The following IKZF1 variants were observed in gnomAD, a reference collection of about 807,000 sequenced individuals.
IKZF1 encodes DNA-binding protein Ikaros.
IKZF1 carries 10 observed loss-of-function variants against 51.7 expected under a neutral mutation model. The observed-to-expected ratio is 0.19, with a 90% CI of 0.12 to 0.33. The LOEUF (loss-of-function observed/expected upper bound fraction) is 0.33, where lower values mean the gene tolerates loss of function less well. IKZF1 is among the 10% of genes least tolerant of loss of function. The pLI is 1.00. For missense variants in IKZF1, 484 were observed against 707.5 expected (o/e 0.68, Z 3.58); for synonymous variants, 280 against 282.3 (o/e 0.99, Z 0.08).
upstream of IKZF1, among the ~76,000 whole-genome samples, chr7:50,303,875 G>T (rs886071920): frequency 2.7e-5 from 4 of 147,256 alleles, no homozygotes; most frequent in African/African-American, 9.8e-5. The surrounding 1 kb of genome is among the most constrained non-coding windows in gnomAD (Gnocchi z 4.7). Flanking sequence ...TGTCGCCCGC[G>T]CCGCGCCCCC....
At chr7:50,371,841 T>C (rs1808776594) in intron 3 of IKZF1, among the ~76,000 whole-genome samples, 1 of 152,238 alleles carries the variant, frequency 6.6e-6, no homozygotes, top group Non-Finnish European at 1.5e-5. Context: ...GTACAGAAGA[T>C]TCCAGATTTC....
At position 50,400,307 on chromosome 7, in the gene IKZF1, C is replaced by T. The variant is rs1817821102; in HGVS notation, c.1240C>T (p.Leu414=). The T allele has an allele frequency of 2.5e-6, 4 of 1,613,090 alleles. No homozygotes were observed. Among genetic ancestry groups the T allele is most frequent in the Non-Finnish European group, 3.4e-6 (4 of 1,179,718 alleles). Residue 414 remains leucine (L), a synonymous_variant, in exon 8 of 8, where the codon CTG becomes TTG. Coordinates refer to ENST00000331340, the MANE Select transcript of IKZF1 (RefSeq NM_006060.6). The surrounding 1 kb of genome is among the most constrained non-coding windows in gnomAD (Gnocchi z 5.4). ...GGAGCAGCGCAGCGGTCTCATCTAC[C>T]TGACCAACCACATCGCCCCGCACGC... The part of the protein sequence containing the change: ...NEEQRSGLIY[L]TNHIAPHARN...
At chr7:50,374,386 A>G (rs1809614018) in intron 3 of IKZF1, among the ~76,000 whole-genome samples, 1 of 152,184 alleles carries the variant, frequency 6.6e-6, no homozygotes, top group Non-Finnish European at 1.5e-5. Context: ...ATACCAAGAG[A>G]TGACTGTAAG....
rs1339318516 is a variant in IKZF1 at position 50,401,372 on chromosome 7, C to A, written c.*745C>A. ...AGGCTGCTCAGATGGCCTGAGCCTCCCGAGGCTTGCTGCCCCGTAGGAGGA... is the reference window on the plus strand; with the variant it reads ...AGGCTGCTCAGATGGCCTGAGCCTCACGAGGCTTGCTGCCCCGTAGGAGGA... On this transcript the variant is annotated 3_prime_UTR_variant, in exon 8 of 8. Coordinates refer to ENST00000331340, the MANE Select transcript of IKZF1 (RefSeq NM_006060.6). The A allele has an allele frequency of 8.8e-6, 2 of 228,460 alleles. No homozygotes were observed. Among genetic ancestry groups the A allele is most frequent in the Non-Finnish European group, 1.7e-5 (2 of 115,018 alleles). 14.2% of individuals were successfully genotyped at this position (228,460 alleles called of 1,614,324 possible). A position where few individuals can be genotyped will look rare whatever the true frequency, so the allele number is the denominator to read the frequency against.
intron 2 of IKZF1, among the ~76,000 whole-genome samples, chr7:50,320,280 T>A (rs1792839284): frequency 6.6e-6 from 1 of 152,196 alleles, no homozygotes; most frequent in African/African-American, 2.4e-5. Flanking sequence ...TATTTTCACT[T>A]AATTTTTAAT....
chr7:50,327,509 C>A, intron 2 of IKZF1, 129 bp from the exon 3 acceptor site: 1 of 1,093,508 alleles, frequency 9.1e-7, no homozygotes, highest in Non-Finnish European at 1.3e-6. Flanking sequence ...GTATATGCAT[C>A]CCAGCAGAGA....
chr7:50,303,844 C>T (rs2153302209), upstream of IKZF1, among the ~76,000 whole-genome samples: 1 of 149,318 alleles, frequency 6.7e-6, no homozygotes, highest in South Asian at 2.1e-4. This position sits in a 1 kb window ranked among gnomAD's most constrained non-coding sequence, Gnocchi z 4.7. Flanking sequence ...CGTCCCCCTC[C>T]CCCTCCTGGC....
At chr7:50,308,292 G>A (rs950454738) in intron 1 of IKZF1, among the ~76,000 whole-genome samples, 4 of 152,192 alleles carry the variant, frequency 2.6e-5, no homozygotes, top group Admixed American at 6.5e-5. Context: ...AGCAACTGAG[G>A]CCTAATCTAC....
intron 3 of IKZF1, among the ~76,000 whole-genome samples, chr7:50,341,101 T>G (rs1798955101): frequency 6.6e-6 from 1 of 152,258 alleles, no homozygotes; most frequent in African/African-American, 2.4e-5. Flanking sequence ...TAAAATCTGC[T>G]TGCCCTGTGC....
At chr7:50,358,296 T>A (rs892299983) in intron 3 of IKZF1, among the ~76,000 whole-genome samples, 5 of 152,230 alleles carry the variant, frequency 3.3e-5, no homozygotes, top group African/African-American at 1.2e-4. Flanking sequence ...ACAGCTGATA[T>A]CTACTAGGAA....
At chr7:50,361,173 C>G (rs544969762) in intron 3 of IKZF1, among the ~76,000 whole-genome samples, 2 of 152,252 alleles carry the variant, frequency 1.3e-5, no homozygotes, top group East Asian at 3.9e-4. Context: ...CCTGAATGTC[C>G]CTTTCCCTTC....
At position 50,326,809 on chromosome 7, in the gene IKZF1, A is replaced by G. The variant is rs1795140813; in HGVS notation, c.41-829A>G. Among the ~76,000 whole-genome samples the G allele has an allele frequency of 2.0e-5, 3 of 152,212 alleles. No homozygotes were observed. In the South Asian group the frequency reaches 6.2e-4, roughly 31 times the overall value. On this transcript the variant is annotated intron_variant, in intron 2 of 7. Transcript: ENST00000331340. ...GCGGAGAGGGGATCATTTTCCCAGT[A>G]GGCATGGGGTTCCCTTCCATTCCTT...
At chr7:50,337,084 G>A (rs1436420447) in intron 3 of IKZF1, among the ~76,000 whole-genome samples, 1 of 152,086 alleles carries the variant, frequency 6.6e-6, no homozygotes, top group Non-Finnish European at 1.5e-5. Flanking sequence ...CGGCTCGGTA[G>A]GATTGGGGCA....
intron 3 of IKZF1, among the ~76,000 whole-genome samples, chr7:50,370,842 TG>T (rs893667702): frequency 6.6e-6 from 1 of 152,038 alleles, no homozygotes; most frequent in Non-Finnish European, 1.5e-5. Flanking sequence ...AGTAATGGGG[TG>T]GGGGGTTACA....
Position 50,376,552 on chromosome 7 carries a change from G to A in IKZF1, c.180G>A (p.Glu60=), listed in dbSNP as rs1810348936. 3 of 1,613,826 alleles carry A rather than the reference G, an allele frequency of 1.9e-6. No individual in the cohort carries two copies. Among genetic ancestry groups the A allele is most frequent in the Non-Finnish European group, 2.5e-6 (3 of 1,179,862 alleles). The change falls in exon 4 of 8, where the codon GAG becomes GAA. Residue 60 remains glutamate, a synonymous_variant. Transcript: ENST00000331340. The surrounding 1 kb of genome is among the most constrained non-coding windows in gnomAD (Gnocchi z 4.5). ...DRVVASNVKV[E]TQSDEENGRA... is the part of the protein sequence containing the mutation. ...TTTCAGCCAGTAATGTTAAAGTAGA[G>A]ACTCAGAGTGATGAAGAGAATGGGC... is the stretch of plus-strand genomic sequence containing the variant.
intron 5 of IKZF1, among the ~76,000 whole-genome samples, chr7:50,384,372 C>T (rs1221947138): frequency 6.6e-6 from 1 of 152,178 alleles, no homozygotes; most frequent in Non-Finnish European, 1.5e-5. Flanking sequence ...AGAAGGATCC[C>T]CACATGCTCG....
At chr7:50,382,821 C>A in intron 5 of IKZF1, 114 bp downstream of exon 5, 1 of 1,308,444 alleles carries the variant, frequency 7.6e-7, no homozygotes, top group Non-Finnish European at 1.0e-6. Flanking sequence ...CCTCCCAGCT[C>A]GCAGTCCTGC....
chr7:50,344,311 T>A (rs553117717), intron 3 of IKZF1, among the ~76,000 whole-genome samples: 101 of 152,360 alleles, frequency 6.6e-4, no homozygotes, highest in African/African-American at 2.4e-3. Context: ...GTGACTGTCC[T>A]CACATGTAGA....
chr7:50,347,526 A>G (rs962252219), intron 3 of IKZF1, among the ~76,000 whole-genome samples: 1 of 152,222 alleles, frequency 6.6e-6, no homozygotes, highest in Admixed American at 6.5e-5. Flanking sequence ...AAATCCCACA[A>G]TGCACCTGAG....
Sources: allele counts gnomAD v4.1 joint callset (sites outside exome capture counted in the v4.1 genomes callset), GRCh38; gene constraint gnomAD v4.1.1; non-coding constraint Gnocchi (gnomAD v3.1); transcripts MANE v1.5; gene names NCBI Gene and HGNC (gene_info 2026-07-23, HGNC 2026-07-21).